CNTLN: variants seen among roughly 807,000 people sequenced by gnomAD.
CNTLN encodes the protein centlein, centrosomal protein.
In CNTLN, 212 loss-of-function variants were observed where a neutral mutation model predicts 180.0. That is an observed-to-expected ratio of 1.18 (90% CI 1.05 to 1.32). The LOEUF (loss-of-function observed/expected upper bound fraction) is 1.32. CNTLN is among the 40% of genes most tolerant of loss of function. The pLI is 0.00. For synonymous variants in CNTLN, 722 were observed against 563.1 expected, an observed-to-expected ratio of 1.28 and a Z score of -3.99; for missense variants, 2,095 against 1,610.9, an observed-to-expected ratio of 1.30 and a Z score of -5.14.
chr9:17,462,709 A>G (rs1831523107), intron 19 of CNTLN, among the ~76,000 whole-genome samples: 1 of 151,608 alleles, frequency 6.6e-6, no homozygotes, highest in Non-Finnish European at 1.5e-5. Flanking sequence ...GTTCCTCTAT[A>G]GTTTGGCATG....
At chr9:17,428,906 A>C (rs1829248063) in intron 18 of CNTLN, among the ~76,000 whole-genome samples, 1 of 151,836 alleles carries the variant, frequency 6.6e-6, no homozygotes, top group African/African-American at 2.4e-5. Context: ...GACCTTTGTT[A>C]TTTACTTTTT....
chr9:17,201,259 A>G (rs943448304), intron 2 of CNTLN, among the ~76,000 whole-genome samples: 1 of 152,084 alleles, frequency 6.6e-6, no homozygotes, highest in Non-Finnish European at 1.5e-5. Flanking sequence ...GGATTTTCGT[A>G]TTGATGTTCA....
chr9:17,302,094 A>G (rs1818402378), intron 7 of CNTLN: 1 of 896,068 alleles, frequency 1.1e-6, no homozygotes, highest in Non-Finnish European at 1.3e-6. Context: ...ATGTGTACAC[A>G]CACACACACA....
the CNTLN span, among the ~76,000 whole-genome samples, chr9:17,509,201 G>A: frequency 1.3e-5 from 2 of 152,180 alleles, no homozygotes; most frequent in Admixed American, 6.5e-5. Context: ...ACTACTGAGT[G>A]CCCAATCTTT....
At chr9:17,267,423 G>C (rs1474258678) in intron 5 of CNTLN, among the ~76,000 whole-genome samples, 1 of 152,076 alleles carries the variant, frequency 6.6e-6, no homozygotes, top group Non-Finnish European at 1.5e-5. Context: ...TCGTCTGATG[G>C]GCTTCCCTTT....
chr9:17,255,447 G>T (rs1826417034), intron 5 of CNTLN, among the ~76,000 whole-genome samples: 1 of 140,418 alleles, frequency 7.1e-6, no homozygotes, highest in African/African-American at 2.9e-5. Flanking sequence ...TGAAATGCTT[G>T]TATGATTTTT....
chr9:17,159,091 A>C (rs988241758), intron 2 of CNTLN, among the ~76,000 whole-genome samples: 1 of 152,094 alleles, frequency 6.6e-6, no homozygotes, highest in African/African-American at 2.4e-5. Context: ...CTTATTTAGA[A>C]GTGTGTTGTT....
At chr9:17,432,583 A>T (rs1229706068) in intron 18 of CNTLN, among the ~76,000 whole-genome samples, 4 of 151,754 alleles carry the variant, frequency 2.6e-5, no homozygotes, top group East Asian at 3.9e-4. Flanking sequence ...AATGGTGAAA[A>T]TTTTTTTTTC....
chr9:17,511,237 T>C, the CNTLN span, among the ~76,000 whole-genome samples: 1 of 152,232 alleles, frequency 6.6e-6, no homozygotes, highest in Non-Finnish European at 1.5e-5. Context: ...ATCAGACATA[T>C]ATAACTCTTC....
intron 18 of CNTLN, among the ~76,000 whole-genome samples, chr9:17,428,392 C>G (rs918966564): frequency 2.0e-5 from 3 of 152,140 alleles, no homozygotes; most frequent in African/African-American, 4.8e-5. Flanking sequence ...TTAATTTTCA[C>G]AACATCCCTG....
chr9:17,465,955 T>C, intron 21 of CNTLN, 26 bp from the exon 22 acceptor site: 1 of 1,574,030 alleles, frequency 6.4e-7, no homozygotes, highest in Non-Finnish European at 8.7e-7. Context: ...TCAACAATAA[T>C]AATTACCTTT....
intron 18 of CNTLN, among the ~76,000 whole-genome samples, chr9:17,420,150 C>T (rs939797267): frequency 6.6e-6 from 1 of 152,100 alleles, no homozygotes; most frequent in South Asian, 2.1e-4. Context: ...CCTAACCTCA[C>T]ATGATCCACC....
At chr9:17,293,501 C>A (rs989695932) in intron 6 of CNTLN, among the ~76,000 whole-genome samples, 5 of 152,216 alleles carry the variant, frequency 3.3e-5, no homozygotes, top group African/African-American at 1.2e-4. Flanking sequence ...GAAGGTCCCA[C>A]CCAGTGAGGA....
intron 25 of CNTLN, among the ~76,000 whole-genome samples, chr9:17,490,872 A>T (rs1239682618): frequency 6.6e-6 from 1 of 152,140 alleles, no homozygotes; most frequent in Non-Finnish European, 1.5e-5. Flanking sequence ...ATTTCTTTAA[A>T]TGCAATTGAA....
intron 19 of CNTLN, among the ~76,000 whole-genome samples, chr9:17,462,367 T>C (rs1244552978): frequency 6.6e-6 from 1 of 151,696 alleles, no homozygotes; most frequent in South Asian, 2.1e-4. Flanking sequence ...TGGAGCAGCA[T>C]TCCAAGAAGG....
At chr9:17,501,550 A>G (rs1179274520) in intron 25 of CNTLN, among the ~76,000 whole-genome samples, 1 of 152,252 alleles carries the variant, frequency 6.6e-6, no homozygotes, top group Non-Finnish European at 1.5e-5. Context: ...AAAGGCCGTT[A>G]GGCCATCTTG....
intron 13 of CNTLN, among the ~76,000 whole-genome samples, chr9:17,369,797 G>A (rs893140096): frequency 1.3e-5 from 2 of 151,684 alleles, no homozygotes; most frequent in African/African-American, 4.8e-5. Flanking sequence ...GATGAGCCTG[G>A]CCAATATGGT....
chr9:17,416,170 C>A lies in CNTLN; in HGVS notation c.3095C>A (p.Thr1032Lys). Residue 1032 changes from threonine (T) to lysine (K), a missense_variant, in exon 18 of 26, where the codon ACA becomes AAA. Coordinates refer to ENST00000380647, the MANE Select transcript of CNTLN (RefSeq NM_017738.4). ...CAAGTATCCGATCAACGATTTCAGA[C>A]AAGCAGGCAGACAATAAAGGTAAAG... ...QQQVSDQRFQTSRQTIKKLNL... is the reference protein window; with the variant it reads ...QQQVSDQRFQKSRQTIKKLNL... 2 of 1,612,806 alleles carry A rather than the reference C, an allele frequency of 1.2e-6. No individual in the cohort carries two copies. The highest frequency in any genetic ancestry group is 1.7e-6 in the Non-Finnish European group (2 of 1,179,420).
At chr9:17,219,496 G>A (rs913270720) in intron 2 of CNTLN, among the ~76,000 whole-genome samples, 1 of 151,876 alleles carries the variant, frequency 6.6e-6, no homozygotes, top group Non-Finnish European at 1.5e-5. Flanking sequence ...TTTGAGTTTT[G>A]ATTATCTTTC....
Sources: gnomAD v4.1 joint callset for allele counts (sites outside exome capture counted in the v4.1 genomes callset) on GRCh38, gnomAD v4.1.1 for gene constraint, MANE v1.5 for transcripts, NCBI Gene and HGNC (gene_info 2026-07-23, HGNC 2026-07-21) for gene names.